SCML1: variants seen among roughly 807,000 people sequenced by gnomAD.
SCML1 encodes sex comb on midleg-like protein 1.
For synonymous variants in SCML1, 104 were observed against 103.6 expected (o/e 1.00, Z -0.02); for missense variants, 137 against 258.1 (o/e 0.53, Z 3.22).
intron 7 of SCML1, 104 bp downstream of exon 7, chrX:17,752,070 G>C: frequency 1.1e-6 from 1 of 878,224 alleles, no homozygotes; most frequent in South Asian, 2.7e-5. Flanking sequence ...AACCCTATTA[G>C]CTGATTTTTC....
At chrX:17,751,749 C>A in intron 6 of SCML1, 66 bp from the exon 7 acceptor site, 1 of 1,097,038 alleles carries the variant, frequency 9.1e-7, no homozygotes, top group Non-Finnish European at 1.2e-6. Flanking sequence ...AACATCTCTT[C>A]TTTCAGGATA....
intron 6 of SCML1, among the ~76,000 whole-genome samples, chrX:17,751,614 A>G (rs1000122345): frequency 1.8e-5 from 2 of 111,718 alleles, no homozygotes; most frequent in African/African-American, 3.3e-5. Flanking sequence ...CAGATGGGAC[A>G]CTCTTGTGTA....
chrX:17,752,859 G>A lies in SCML1; in HGVS notation c.856-399G>A, dbSNP rs16980672. Among the ~76,000 whole-genome samples, 615 of 111,523 alleles carry A rather than the reference G, an allele frequency of 5.5e-3. 4 individuals carry two copies. Among genetic ancestry groups the A allele is most frequent in the African/African-American group, 0.019 (575 of 30,710 alleles). The stretch of plus-strand genomic sequence containing the variant: ...ATAGACATTTACAGTTTGCACTGAT[G>A]TTGACGTACTCATCTTCCCAGCCCT... On this transcript the variant is annotated intron_variant, in intron 7 of 7. Transcript: ENST00000380041.
chrX:17,738,047 C>T (rs1394308543), intron 1 of SCML1: 3 of 112,558 alleles, frequency 2.7e-5, no homozygotes, highest in African/African-American at 9.7e-5. Context: ...TTGACAAACT[C>T]CCGAGTTGAT....
chrX:17,750,825 A>G (rs1454251632), intron 6 of SCML1, among the ~76,000 whole-genome samples: 8 of 112,970 alleles, frequency 7.1e-5, no homozygotes, highest in Admixed American at 3.7e-4. Flanking sequence ...TCACACACAC[A>G]AAAAGATCAA....
intron 1 of SCML1, 61 bp downstream of exon 1, chrX:17,737,741 G>A (rs1169353418): frequency 9.0e-6 from 1 of 111,491 alleles, no homozygotes; most frequent in Non-Finnish European, 1.9e-5. Context: ...ACACGATTTG[G>A]CTTAGGGGCC....
chrX:17,741,156 G>T (rs2066591331), intron 1 of SCML1, among the ~76,000 whole-genome samples: 1 of 112,028 alleles, frequency 8.9e-6, no homozygotes, highest in South Asian at 3.7e-4. Flanking sequence ...TTCCACAGAT[G>T]CAGGGACGGG....
At chrX:17,747,535 T>C (rs1202500236) in intron 4 of SCML1, among the ~76,000 whole-genome samples, 2 of 112,035 alleles carry the variant, frequency 1.8e-5, no homozygotes, top group African/African-American at 6.5e-5. Context: ...GTTCCTTCTA[T>C]GCTGTAAGCC....
chrX:17,752,952 A>T (rs1388031769), intron 7 of SCML1, among the ~76,000 whole-genome samples: 3 of 110,757 alleles, frequency 2.7e-5, no homozygotes, highest in Non-Finnish European at 3.8e-5. Context: ...TTTGTCATGG[A>T]TGTGTAGTAT....
chrX:17,741,254 G>T (rs1450417599), intron 1 of SCML1, among the ~76,000 whole-genome samples: 1 of 111,638 alleles, frequency 9.0e-6, no homozygotes, highest in Non-Finnish European at 1.9e-5. Context: ...TTCACAATAG[G>T]GTTTGTGCTC....
At chrX:17,752,086 A>G in intron 7 of SCML1, 120 bp downstream of exon 7, 1 of 778,986 alleles carries the variant, frequency 1.3e-6, no homozygotes, top group Non-Finnish European at 1.8e-6. Flanking sequence ...TTTTCCATAT[A>G]TGAGAAAGCT....
chrX:17,749,044 T>G (rs1315415864), intron 4 of SCML1, among the ~76,000 whole-genome samples: 2 of 112,658 alleles, frequency 1.8e-5, no homozygotes, highest in Non-Finnish European at 3.7e-5. Context: ...AGTGAGTCTT[T>G]GTTCTTTTAG....
intron 7 of SCML1, among the ~76,000 whole-genome samples, chrX:17,752,940 A>G (rs1305117037): frequency 9.0e-6 from 1 of 110,803 alleles, no homozygotes; most frequent in Non-Finnish European, 1.9e-5. Context: ...AGTCTTTACT[A>G]TTTTGTCATG....
At chrX:17,747,803 C>T (rs776674783) in intron 4 of SCML1, among the ~76,000 whole-genome samples, 4 of 111,984 alleles carry the variant, frequency 3.6e-5, no homozygotes, top group Non-Finnish European at 5.6e-5. Context: ...GCAAGGTTCT[C>T]GTCCTCGAGA....
chrX:17,751,888 G>T lies in SCML1; in HGVS notation c.777G>T (p.Ser259=), dbSNP rs745686597. 1 of 1,210,671 alleles carries T rather than the reference G, an allele frequency of 8.3e-7. No individual in the cohort carries two copies. Among genetic ancestry groups the T allele is most frequent in the Non-Finnish European group, 1.1e-6 (1 of 894,548 alleles). Residue 259 remains serine (S), a synonymous_variant, in exon 7 of 8, where the codon TCG becomes TCT. Transcript: ENST00000380041. ...TCACTAAGCACCCTTCAACCTGGTC[G>T]GTGGAAGCAGTGGTCCTATTTCTAA... ...GSITKHPSTW[S]VEAVVLFLKQ... is the part of the protein sequence containing the mutation.
At chrX:17,749,805 G>T in intron 5 of SCML1, 89 bp from the exon 6 acceptor site, 1 of 845,039 alleles carries the variant, frequency 1.2e-6, no homozygotes, top group South Asian at 2.6e-5. Context: ...AAGCAATGTT[G>T]CATGGAAAAT....
At chrX:17,750,474 A>C (rs1474189650) in intron 6 of SCML1, among the ~76,000 whole-genome samples, 181 bp downstream of exon 6, 1 of 112,543 alleles carries the variant, frequency 8.9e-6, no homozygotes, top group African/African-American at 3.2e-5. Context: ...CCTTGATGCA[A>C]ACTAGTGGAA....
At position 17,744,310 on chromosome X, in the gene SCML1, A is replaced by C. The variant is rs1462023382; in HGVS notation, c.33+91A>C. Reference sequence around the variant, plus strand: ...AGTTTAATTTTATACAGTGAAATGCATAGATCATAAGTAAATTTTTGTTAT... The same window carrying C: ...AGTTTAATTTTATACAGTGAAATGCCTAGATCATAAGTAAATTTTTGTTAT... On this transcript the variant is annotated intron_variant, in intron 2 of 7. Coordinates refer to ENST00000380041, the MANE Select transcript of SCML1 (RefSeq NM_001037540.3). 3.8e-5 allele frequency: 26 copies of C among 675,906 alleles called. No individual in the cohort carries two copies. In the East Asian group the frequency reaches 9.0e-4, roughly 23 times the overall value. The allele number at this position is 675,906 out of a possible 1,213,427, so 55.7% of individuals were successfully genotyped here.
Position 17,753,324 on chromosome X carries a change from C to G in SCML1, c.922C>G (p.Leu308Val), listed in dbSNP as rs763136277. 2.8e-5 allele frequency: 33 copies of G among 1,179,499 alleles called. No individual in the cohort carries two copies. Among genetic ancestry groups the G allele is most frequent in the Non-Finnish European group, 3.5e-5 (31 of 876,969 alleles). Residue 308 changes from leucine to valine, a missense_variant, in exon 8 of 8, where the codon CTG (leucine) becomes GTG (valine). Physicochemically the swap from Leu to Val is conservative, Grantham distance 32. Transcript: ENST00000380041. ...GTTGCTGAAGCACTTGGGGGTGAAGCTGGGAACGGCTGTGAAGCTATGCTA... is the reference window on the plus strand; with the variant it reads ...GTTGCTGAAGCACTTGGGGGTGAAGGTGGGAACGGCTGTGAAGCTATGCTA... ...DVLLKHLGVKLGTAVKLCYYI... is the reference protein window; with the variant it reads ...DVLLKHLGVKVGTAVKLCYYI...
Sources: gnomAD v4.1 joint callset for allele counts (sites outside exome capture counted in the v4.1 genomes callset) on GRCh38, gnomAD v4.1.1 for gene constraint, MANE v1.5 for transcripts, NCBI Gene and HGNC (gene_info 2026-07-23, HGNC 2026-07-21) for gene names.